The following THSD7B variants were observed in gnomAD, a reference collection of about 807,000 sequenced individuals.
THSD7B encodes the protein thrombospondin type-1 domain-containing protein 7B.
THSD7B carries 138 observed loss-of-function variants against 213.6 expected under a neutral mutation model. The ratio of observed to expected loss-of-function variants is 0.65; its 90% CI spans 0.56 to 0.74. The LOEUF (loss-of-function observed/expected upper bound fraction) is 0.74. THSD7B is among the 30% of genes least tolerant of loss of function. THSD7B has a pLI of 0.00. For synonymous variants in THSD7B, 742 were observed against 687.0 expected (o/e 1.08, Z -1.25); for missense variants, 1,931 against 1,991.5 (o/e 0.97, Z 0.58).
chr2:137,144,988 T>A (rs1046329249), intron 5 of THSD7B, among the ~76,000 whole-genome samples: 41 of 152,014 alleles, frequency 2.7e-4, no homozygotes, highest in African/African-American at 9.9e-4. Context: ...GATATTATTA[T>A]AAGATATAAT....
At chr2:137,362,311 A>G (rs1480440374) in intron 12 of THSD7B, among the ~76,000 whole-genome samples, 1 of 152,228 alleles carries the variant, frequency 6.6e-6, no homozygotes, top group Non-Finnish European at 1.5e-5. Flanking sequence ...GATGCTACAA[A>G]GAAACTGCAT....
chr2:136,787,149 G>T (rs1432179306), intron 1 of THSD7B, among the ~76,000 whole-genome samples: 1 of 151,978 alleles, frequency 6.6e-6, no homozygotes, highest in East Asian at 1.9e-4. Context: ...GAAAATGATG[G>T]AATTCATAAT....
intron 14 of THSD7B, among the ~76,000 whole-genome samples, chr2:137,443,122 CA>C (rs1258238504): frequency 6.6e-6 from 1 of 152,064 alleles, no homozygotes; most frequent in Non-Finnish European, 1.5e-5. Flanking sequence ...CTAATATCCT[CA>C]ATATCGTCTA....
intron 2 of THSD7B, among the ~76,000 whole-genome samples, chr2:137,054,302 G>T (rs1461065013): frequency 4.6e-5 from 7 of 152,240 alleles, no homozygotes; most frequent in African/African-American, 1.7e-4. Context: ...TTCTGTTTCA[G>T]CAAGAGAAGT....
intron 15 of THSD7B, among the ~76,000 whole-genome samples, chr2:137,509,997 C>T (rs889384125): frequency 6.6e-6 from 1 of 151,886 alleles, no homozygotes; most frequent in African/African-American, 2.4e-5. Flanking sequence ...CCTTTATTTT[C>T]AACCTATTTA....
chr2:136,938,548 T>C (rs1397147135), intron 2 of THSD7B, among the ~76,000 whole-genome samples: 1 of 152,230 alleles, frequency 6.6e-6, no homozygotes, highest in Non-Finnish European at 1.5e-5. Flanking sequence ...TGGCTTTTTT[T>C]CAGATGCTTG....
rs184581484 is a variant in THSD7B, at chr2:136,920,849, G to T, written c.139+38532G>T. 7.9e-5 allele frequency among the ~76,000 whole-genome samples: 12 copies of T among 152,152 alleles called. No homozygotes were observed. In the South Asian group the frequency reaches 1.0e-3, roughly 13 times the overall value. ...AGCCGAAGTGGCAGGGGGCTTATGC[G>T]TCAGTGCTGCCCTGGCTGGGTTATG... On this transcript the variant is annotated intron_variant, in intron 2 of 27. Coordinates refer to ENST00000409968, the MANE Select transcript of THSD7B (RefSeq NM_001316349.2).
intron 17 of THSD7B, among the ~76,000 whole-genome samples, chr2:137,595,985 AAAAACCCC>A (rs1221636702): frequency 1.3e-5 from 2 of 151,976 alleles, no homozygotes; most frequent in East Asian, 3.8e-4. Flanking sequence ...TTAGTGAAGA[AAAAACCCC>A]AAAATACAAG....
chr2:137,644,297 C>A (rs1682990369), intron 21 of THSD7B, among the ~76,000 whole-genome samples: 2 of 152,142 alleles, frequency 1.3e-5, no homozygotes, highest in African/African-American at 4.8e-5. Flanking sequence ...ATAAACAAGT[C>A]TATAGTTAAT....
intron 5 of THSD7B, among the ~76,000 whole-genome samples, chr2:137,116,339 T>C (rs1688447034): frequency 2.0e-5 from 3 of 152,192 alleles, no homozygotes. Flanking sequence ...TAATTTCACT[T>C]TGGAAAATTA....
intron 15 of THSD7B, among the ~76,000 whole-genome samples, chr2:137,459,397 T>G (rs1367315576): frequency 6.6e-6 from 1 of 152,200 alleles, no homozygotes; most frequent in African/African-American, 2.4e-5. Context: ...CCCAGTGTGG[T>G]GGCTCAAGCC....
chr2:137,516,317 C>A (rs1680067351), intron 15 of THSD7B, among the ~76,000 whole-genome samples: 1 of 152,240 alleles, frequency 6.6e-6, no homozygotes, highest in Non-Finnish European at 1.5e-5. Context: ...GATCCTCAAT[C>A]AATTTCCAGA....
chr2:137,203,056 T>C (rs1680911837), intron 7 of THSD7B, among the ~76,000 whole-genome samples: 1 of 128,272 alleles, frequency 7.8e-6, no homozygotes, highest in Non-Finnish European at 1.7e-5. Flanking sequence ...ATAAACAGTA[T>C]TTTGTTTGGC....
chr2:137,634,253 G>A (rs1332432921), intron 20 of THSD7B, among the ~76,000 whole-genome samples: 1 of 152,124 alleles, frequency 6.6e-6, no homozygotes, highest in Admixed American at 6.6e-5. Context: ...TTCTGCCAAT[G>A]ATTGTGCATA....
Position 137,130,325 on chromosome 2 carries a change from G to A in THSD7B, c.1369+15032G>A, listed in dbSNP as rs73958368. 4.4e-3 allele frequency among the ~76,000 whole-genome samples: 670 copies of A among 152,070 alleles called. 4 individuals are homozygous for A. Among genetic ancestry groups the A allele is most frequent in the African/African-American group, 0.015 (640 of 41,504 alleles). On this transcript the variant is annotated intron_variant, in intron 5 of 27. Coordinates refer to ENST00000409968, the MANE Select transcript of THSD7B (RefSeq NM_001316349.2). Reference sequence around the variant, plus strand: ...GCTCAAAGGGCTGTGCTACATTATCGTTTCCATCTCCATAGTTACTAAAAT... The same window carrying A: ...GCTCAAAGGGCTGTGCTACATTATCATTTCCATCTCCATAGTTACTAAAAT...
intron 1 of THSD7B, among the ~76,000 whole-genome samples, chr2:136,877,427 C>T (rs544175375): frequency 1.2e-4 from 18 of 152,228 alleles, no homozygotes; most frequent in African/African-American, 4.3e-4. Flanking sequence ...ATCTAACAGG[C>T]CACTCTTGGA....
chr2:137,501,846 T>C (rs1273953448), intron 15 of THSD7B, among the ~76,000 whole-genome samples: 1 of 152,332 alleles, frequency 6.6e-6, no homozygotes, highest in African/African-American at 2.4e-5. Context: ...TGAGGGTAGT[T>C]AACAGAAATC....
intron 2 of THSD7B, among the ~76,000 whole-genome samples, chr2:137,038,912 A>T (rs1464165847): frequency 6.6e-6 from 1 of 151,854 alleles, no homozygotes; most frequent in African/African-American, 2.4e-5. Flanking sequence ...GTTCAAATGC[A>T]GGCTGATTCC....
At chr2:137,107,673 G>T (rs1355515045) in intron 4 of THSD7B, among the ~76,000 whole-genome samples, 1 of 152,090 alleles carries the variant, frequency 6.6e-6, no homozygotes, top group Non-Finnish European at 1.5e-5. Flanking sequence ...TATTACTGAG[G>T]TATTATTTCA....
Sources: gnomAD v4.1 joint callset for allele counts (sites outside exome capture counted in the v4.1 genomes callset) on GRCh38, gnomAD v4.1.1 for gene constraint, MANE v1.5 for transcripts, NCBI Gene and HGNC (gene_info 2026-07-23, HGNC 2026-07-21) for gene names.